The following RFC3 variants were observed in gnomAD, a reference collection of about 807,000 sequenced individuals.
The protein encoded by RFC3 is A1 38 kDa subunit.
A neutral mutation model predicts 45.1 loss-of-function variants in RFC3; 41 were observed. The observed-to-expected ratio is 0.91, with a 90% CI of 0.71 to 1.18. The LOEUF (loss-of-function observed/expected upper bound fraction) is 1.18. Among genes scored for constraint, RFC3 ranks in the 50% most tolerant of loss-of-function variants. RFC3 has a pLI of 0.00. For missense variants in RFC3, 423 were observed against 428.1 expected (o/e 0.99, Z 0.10); for synonymous variants, 149 against 144.0 (o/e 1.03, Z -0.25).
chr13:33,838,135 T>G (rs2139433647), downstream of RFC3, among the ~76,000 whole-genome samples: 1 of 152,284 alleles, frequency 6.6e-6, no homozygotes, highest in African/African-American at 2.4e-5. Flanking sequence ...ATTTTGAAGA[T>G]CGTTCTTAGG....
chr13:33,885,836 A>G lies in RFC3; in HGVS notation c.879+50619A>G, dbSNP rs768662753. 1.2e-3 allele frequency among the ~76,000 whole-genome samples: 185 copies of G among 152,284 alleles called. 1 individual carries two copies. Among genetic ancestry groups the G allele is most frequent in the Non-Finnish European group, 1.7e-3 (119 of 68,008 alleles). On this transcript the variant is annotated intron_variant, in intron 8 of 8. Transcript: ENST00000434425. Reference sequence around the variant, plus strand: ...GGAGTCACTGTGAGTTGCCTACCCCAGAGCTCCACCAGCCATCTTTTTCCT... The same window carrying G: ...GGAGTCACTGTGAGTTGCCTACCCCGGAGCTCCACCAGCCATCTTTTTCCT...
At chr13:33,923,149 C>T (rs187028339) in intron 8 of RFC3, among the ~76,000 whole-genome samples, 5 of 152,120 alleles carry the variant, frequency 3.3e-5, no homozygotes, top group African/African-American at 1.2e-4. Context: ...AATAATAACC[C>T]TTGATGTGTA....
chr13:33,828,938 AC>A, intron 4 of RFC3, among the ~76,000 whole-genome samples: 1 of 152,174 alleles, frequency 6.6e-6, no homozygotes, highest in East Asian at 1.9e-4. Flanking sequence ...TTCCTCCCAC[AC>A]CGTTGCTGAT....
chr13:33,831,650 A>G (rs1182131124), intron 7 of RFC3, among the ~76,000 whole-genome samples: 1 of 114,412 alleles, frequency 8.7e-6, no homozygotes, highest in African/African-American at 4.6e-5. Context: ...TAACATTAAC[A>G]TACAACACAA....
At chr13:33,879,786 C>T (rs557827445) in intron 8 of RFC3, among the ~76,000 whole-genome samples, 14 of 152,222 alleles carry the variant, frequency 9.2e-5, no homozygotes, top group East Asian at 1.9e-4. Flanking sequence ...TAGAAGTCCG[C>T]GCTGATTTTG....
intron 8 of RFC3, among the ~76,000 whole-genome samples, chr13:33,934,248 G>T (rs1239004351): frequency 6.6e-6 from 1 of 152,034 alleles, no homozygotes; most frequent in Non-Finnish European, 1.5e-5. Context: ...TGGGAGGATG[G>T]CTTGATTCTT....
At position 33,844,583 on chromosome 13, in the gene RFC3, G is replaced by A. The variant is rs138505520; in HGVS notation, c.879+9366G>A. On this transcript the variant is annotated intron_variant, in intron 8 of 8. Transcript: ENST00000434425. The stretch of plus-strand genomic sequence containing the variant: ...TTTATTTGAGGTTGCTATCAGGTTT[G>A]CAAATAATATAACTCATTATTTTAA... 5.0e-3 allele frequency among the ~76,000 whole-genome samples: 759 copies of A among 152,062 alleles called. 1 individual carries two copies. The highest frequency in any genetic ancestry group is 8.3e-3 in the Non-Finnish European group (566 of 67,970).
At chr13:33,874,657 C>G (rs186853637) in intron 8 of RFC3, among the ~76,000 whole-genome samples, 1 of 152,168 alleles carries the variant, frequency 6.6e-6, no homozygotes, top group Non-Finnish European at 1.5e-5. Flanking sequence ...TCTGCTTTCT[C>G]CTTCCATCTG....
chr13:33,830,191 A>G (rs1210176081), intron 5 of RFC3, among the ~76,000 whole-genome samples, 174 bp downstream of exon 5: 1 of 152,348 alleles, frequency 6.6e-6, no homozygotes, highest in African/African-American at 2.4e-5. Context: ...CCAGATGCCA[A>G]TATATAGAAA....
intron 8 of RFC3, among the ~76,000 whole-genome samples, chr13:33,887,919 G>C (rs1339308926): frequency 2.6e-5 from 4 of 152,252 alleles, no homozygotes; most frequent in African/African-American, 9.6e-5. Flanking sequence ...TCTCAGGTTT[G>C]TCAAAGATCA....
intron 8 of RFC3, among the ~76,000 whole-genome samples, chr13:33,843,454 A>G (rs901338334): frequency 8.5e-5 from 13 of 152,196 alleles, no homozygotes; most frequent in Admixed American, 8.5e-4. Flanking sequence ...TAATTAGCTG[A>G]TGGCCCACTG....
At chr13:33,866,476 A>G (rs2082374416) in intron 8 of RFC3, among the ~76,000 whole-genome samples, 1 of 152,208 alleles carries the variant, frequency 6.6e-6, no homozygotes, top group South Asian at 2.1e-4. Context: ...TTTCTTAATG[A>G]ATTCAAATAA....
chr13:33,832,047 G>T (rs1370366272), intron 7 of RFC3, among the ~76,000 whole-genome samples: 1 of 152,156 alleles, frequency 6.6e-6, no homozygotes, highest in Non-Finnish European at 1.5e-5. Flanking sequence ...ACTTCTGTAG[G>T]TCTATTATTT....
intron 8 of RFC3, among the ~76,000 whole-genome samples, chr13:33,871,027 T>C (rs2082404066): frequency 6.6e-6 from 1 of 152,174 alleles, no homozygotes; most frequent in Admixed American, 6.5e-5. Flanking sequence ...AAGAGTGAAC[T>C]AGTGGAGCCC....
intron 8 of RFC3, among the ~76,000 whole-genome samples, chr13:33,952,733 C>A (rs1460117586): frequency 6.6e-6 from 1 of 152,198 alleles, no homozygotes; most frequent in African/African-American, 2.4e-5. Context: ...AACTCAAGAA[C>A]AACCTGTGTG....
Position 33,825,814 on chromosome 13 carries a change from G to C in RFC3, c.319G>C (p.Val107Leu). The C allele has an allele frequency of 6.2e-7, 1 of 1,601,740 alleles. No individual in the cohort carries two copies. Among genetic ancestry groups the C allele is most frequent in the South Asian group, 1.1e-5 (1 of 88,864 alleles). The change falls in exon 4 of 9, where the codon GTC becomes CTC. Residue 107 changes from valine (V) to leucine (L), a missense_variant. Transcript: ENST00000380071. ...TGATGCTGGAAATAGTGACCGAGTA[G>C]TCATTCAGGAGATGTTGAAAACAGT... Reference protein sequence around the residue: ...PSDAGNSDRVVIQEMLKTVAQ... With the variant: ...PSDAGNSDRVLIQEMLKTVAQ...
chr13:33,862,772 T>C (rs918481893), intron 8 of RFC3, among the ~76,000 whole-genome samples: 1 of 152,188 alleles, frequency 6.6e-6, no homozygotes, highest in Admixed American at 6.5e-5. Flanking sequence ...CTTTCTGCAA[T>C]TGACAATTTA....
In RFC3 at chr13:33,834,298, G is replaced by GTA. The variant is rs58858615; in HGVS notation, c.810-818_810-817dup. ...GAAGTATGGAACATCTGTACTGTGT[G>GTA]TATATATATATATATATATATATAT... is the stretch of plus-strand genomic sequence containing the variant. On this transcript the variant is annotated intron_variant, in intron 7 of 8. Transcript: ENST00000380071. Among the ~76,000 whole-genome samples the GTA allele has an allele frequency of 8.1e-3, 879 of 109,120 alleles. 6 individuals are homozygous for GTA. The highest frequency in any genetic ancestry group is 0.049 in the Middle Eastern group (11 of 226). The allele number at this position is 109,120 out of a possible 152,430, so 71.6% of individuals were successfully genotyped here. A position where few individuals can be genotyped will look rare whatever the true frequency, so the allele number is the denominator to read the frequency against.
At chr13:33,969,936 T>C (rs1479218150), downstream of RFC3, among the ~76,000 whole-genome samples, 1 of 151,812 alleles carries the variant, frequency 6.6e-6, no homozygotes, top group Non-Finnish European at 1.5e-5. Flanking sequence ...CCTTCAACTT[T>C]TATTTTATGT....
Sources: allele counts gnomAD v4.1 joint callset (sites outside exome capture counted in the v4.1 genomes callset), GRCh38; gene constraint gnomAD v4.1.1; transcripts MANE v1.5; gene names NCBI Gene and HGNC (gene_info 2026-07-23, HGNC 2026-07-21).